Variants in ZP3 observed in about 807,000 individuals in gnomAD.
ZP3 encodes zona pellucida sperm-binding protein 3.
A neutral mutation model predicts 35.6 loss-of-function variants in ZP3; 21 were observed. The observed-to-expected ratio is 0.59, with a 90% CI of 0.42 to 0.85. The LOEUF is 0.85. Ranked by LOEUF, ZP3 falls within the 40% of genes least tolerant of loss-of-function variation. The pLI, the probability that ZP3 is intolerant of heterozygous loss-of-function variation, is 0.00. For missense variants in ZP3, 437 were observed against 536.5 expected (o/e 0.81, Z 1.83); for synonymous variants, 207 against 214.5 (o/e 0.96, Z 0.31).
intron 1 of ZP3, among the ~76,000 whole-genome samples, chr7:76,412,615 C>T (rs1488055426): frequency 5.3e-5 from 8 of 152,094 alleles, no homozygotes; most frequent in African/African-American, 1.9e-4. Context: ...TTTGGGAGGT[C>T]GAGGCAGGCA....
upstream of ZP3, chr7:76,424,948 G>C: frequency 6.6e-7 from 1 of 1,505,912 alleles, no homozygotes; most frequent in Non-Finnish European, 8.9e-7. Context: ...GCGGCTGCCT[G>C]CTGCTCTGCA....
upstream of ZP3, among the ~76,000 whole-genome samples, chr7:76,423,071 G>GAAAC (rs1236808142): frequency 7.0e-6 from 1 of 143,128 alleles, no homozygotes; most frequent in African/African-American, 2.7e-5. Flanking sequence ...AAGAAAGAAA[G>GAAAC]AAAGAAAGAA....
chr7:76,420,185 C>T (rs1431571867), upstream of ZP3, among the ~76,000 whole-genome samples: 1 of 151,750 alleles, frequency 6.6e-6, no homozygotes, highest in Non-Finnish European at 1.5e-5. Context: ...TCCTCCACCT[C>T]CTCCTTCTTC....
intron 5 of ZP3, among the ~76,000 whole-genome samples, chr7:76,437,407 C>G (rs1340025043): frequency 6.6e-6 from 1 of 151,662 alleles, no homozygotes; most frequent in Non-Finnish European, 1.5e-5. Context: ...AACTCCTGAC[C>G]TCAGGTGATC....
At chr7:76,422,198 A>G (rs1167245512), upstream of ZP3, among the ~76,000 whole-genome samples, 1 of 151,184 alleles carries the variant, frequency 6.6e-6, no homozygotes, top group Non-Finnish European at 1.5e-5. Context: ...CGCCCGGCCA[A>G]TACTATTCCT....
intron 1 of ZP3, chr7:76,400,218 T>C (rs1804770434): frequency 7.2e-7 from 1 of 1,386,858 alleles, no homozygotes; most frequent in Non-Finnish European, 9.4e-7. Context: ...TCCCTTCATT[T>C]ATCTAGCCTA....
chr7:76,418,041 G>A (rs1442920801), intron 1 of ZP3, among the ~76,000 whole-genome samples: 1 of 150,342 alleles, frequency 6.7e-6, no homozygotes, highest in African/African-American at 2.5e-5. Flanking sequence ...GGGTTCAAGC[G>A]GGTCTCCTGC....
chr7:76,425,452 C>A (rs1048234114), intron 1 of ZP3, among the ~76,000 whole-genome samples, 176 bp downstream of exon 1: 1 of 152,160 alleles, frequency 6.6e-6, no homozygotes, highest in African/African-American at 2.4e-5. Flanking sequence ...CCCAGGGCAG[C>A]TCCTGCCTCT....
chr7:76,400,865 ATGG>A lies in ZP3; in HGVS notation c.-67+3069_-67+3071del, dbSNP rs1804801112. On this transcript the variant is annotated intron_variant, in intron 1 of 8. Transcript: ENST00000336517. ...CCTTGGGATCAATCCCTTCTGGAAA[ATGG>A]GGAGACTACAGCTCCCCTGAGATGG... 6 of 1,222,666 alleles carry A rather than the reference ATGG, an allele frequency of 4.9e-6. No homozygotes were observed. The African/African-American group carries it at 7.6e-5, about 15-fold the overall frequency. The allele number at this position is 1,222,666 out of a possible 1,614,324, so 75.7% of individuals were successfully genotyped here.
upstream of ZP3, among the ~76,000 whole-genome samples, chr7:76,424,314 G>A (rs1369082068): frequency 6.6e-6 from 1 of 152,158 alleles, no homozygotes; most frequent in Non-Finnish European, 1.5e-5. Context: ...ATACACATGG[G>A]GATTTACAAG....
chr7:76,417,117 G>A (rs989339398), intron 1 of ZP3, among the ~76,000 whole-genome samples: 13 of 151,724 alleles, frequency 8.6e-5, no homozygotes, highest in African/African-American at 2.7e-4. Context: ...GAGTGTAATG[G>A]TGCGATCTCG....
chr7:76,401,141 C>T, intron 1 of ZP3: 3 of 1,406,732 alleles, frequency 2.1e-6, no homozygotes, highest in Non-Finnish European at 2.8e-6. Flanking sequence ...CTCAACATTA[C>T]CCCCATCTTC....
At chr7:76,404,624 C>T (rs1804940894) in intron 1 of ZP3, 1 of 787,836 alleles carries the variant, frequency 1.3e-6, no homozygotes, top group African/African-American at 1.7e-5. Context: ...AGACCCCCAT[C>T]TCTACAAAAA....
At chr7:76,433,442 A>T (rs755590034) in intron 3 of ZP3, 28 bp from the exon 4 acceptor site, 1 of 1,601,168 alleles carries the variant, frequency 6.2e-7, no homozygotes, top group South Asian at 1.1e-5. Context: ...GGCATGAGCC[A>T]CCATGCCCAG....
chr7:76,437,783 G>A (rs1207069422), intron 5 of ZP3, among the ~76,000 whole-genome samples: 4 of 151,766 alleles, frequency 2.6e-5, no homozygotes, highest in African/African-American at 9.7e-5. Context: ...ACAGGCATGA[G>A]CCACCACGCC....
upstream of ZP3, among the ~76,000 whole-genome samples, chr7:76,423,029 A>AGAGAGAGAGAGAGAGAGAGAGAG (rs767704641): frequency 3.6e-5 from 2 of 55,602 alleles, no homozygotes; most frequent in Non-Finnish European, 7.2e-5. Context: ...GAGAGAGAGA[A>AGAGAGAGAGAGAGAGAGAGAGAG]AGAAAGAAAG....
intron 5 of ZP3, among the ~76,000 whole-genome samples, chr7:76,438,468 G>T (rs868829886): frequency 0.031 from 4,355 of 142,730 alleles, no homozygotes; most frequent in African/African-American, 0.12. Context: ...TGAGGCAAGA[G>T]AATCGCTTAA....
At position 76,425,229 on chromosome 7, in the gene ZP3, G is replaced by A. The variant is rs1805615919; in HGVS notation, c.265G>A (p.Val89Met). The change falls in exon 1 of 8, where the codon GTG becomes ATG. Residue 89 changes from valine to methionine, a missense_variant. Val to Met is a conservative substitution (Grantham distance 21). Coordinates refer to ENST00000394857, the MANE Select transcript of ZP3 (RefSeq NM_001110354.2). ...EPLVSMDTED[V>M]VRFEVGLHEC... ...TCTGGTCTCCATGGACACAGAAGAT[G>A]TGGTCAGGTTTGAGGTTGGACTCCA... 1 of 1,613,590 alleles carries A rather than the reference G, an allele frequency of 6.2e-7. No homozygotes were observed.
rs113984440 is a variant in ZP3 at position 76,398,651 on chromosome 7, C to T, written c.-67+854C>T. 81 of 1,506,144 alleles carry T rather than the reference C, an allele frequency of 5.4e-5. No individual in the cohort carries two copies. In the African/African-American group the frequency reaches 6.2e-4, roughly 12 times the overall value. The allele number at this position is 1,506,144 out of a possible 1,614,324, so 93.3% of individuals were successfully genotyped here. ...TCAATTTGTAATCCCTGTCTTCCCA[C>T]TGCCTAGGGTAGGGTGTGAGAGACT... is the stretch of plus-strand genomic sequence containing the variant. On this transcript the variant is annotated intron_variant, in intron 1 of 8. Transcript: ENST00000336517.
Sources: allele counts gnomAD v4.1 joint callset (sites outside exome capture counted in the v4.1 genomes callset), GRCh38; gene constraint gnomAD v4.1.1; transcripts MANE v1.5; gene names NCBI Gene and HGNC (gene_info 2026-07-23, HGNC 2026-07-21).